Variants in ANTXRL observed in about 807,000 individuals in gnomAD.
ANTXRL encodes the protein anthrax toxin receptor-like.
A neutral mutation model predicts 75.4 loss-of-function variants in ANTXRL; 63 were observed. That is an observed-to-expected ratio of 0.84 (90% CI 0.68 to 1.03). The LOEUF is 1.03. Ranked by LOEUF, ANTXRL falls within the 50% of genes least tolerant of loss-of-function variation. The pLI is 0.00. For missense variants in ANTXRL, 797 were observed against 789.4 expected, an observed-to-expected ratio of 1.01 and a Z score of -0.12; for synonymous variants, 335 against 291.3, an observed-to-expected ratio of 1.15 and a Z score of -1.53.
In ANTXRL at chr10:46,323,687, T is replaced by C. The variant is rs972850103; in HGVS notation, c.1411-5912T>C. 2.0e-5 allele frequency among the ~76,000 whole-genome samples: 3 copies of C among 152,188 alleles called. No individual in the cohort carries two copies. In the East Asian group the frequency reaches 5.8e-4, roughly 29 times the overall value. ...GACTGGAATATGCAGTGGGCCTATG[T>C]TTCCCCCATGTTCTTGAGTAGGAAC... On this transcript the variant is annotated intron_variant, in intron 16 of 16. Transcript: ENST00000620264.
chr10:46,316,299 T>C (rs1162112698), intron 16 of ANTXRL, among the ~76,000 whole-genome samples: 1 of 152,078 alleles, frequency 6.6e-6, no homozygotes, highest in Non-Finnish European at 1.5e-5. Flanking sequence ...GCCATTCATA[T>C]AGATCTTAAG....
chr10:46,322,480 G>A (rs986401648), intron 16 of ANTXRL, among the ~76,000 whole-genome samples: 7 of 150,716 alleles, frequency 4.6e-5, no homozygotes, highest in Admixed American at 2.6e-4. Flanking sequence ...AAAAGAAATT[G>A]CCCATCAAGT....
Position 46,299,288 on chromosome 10 carries a change from G to A in ANTXRL, c.796+1226G>A, listed in dbSNP as rs149847706. 3.0e-3 allele frequency among the ~76,000 whole-genome samples: 458 copies of A among 152,246 alleles called. 2 individuals carry two copies. The highest frequency in any genetic ancestry group is 0.011 in the African/African-American group (438 of 41,528). On this transcript the variant is annotated intron_variant, in intron 9 of 16. Coordinates refer to ENST00000620264, the MANE Select transcript of ANTXRL (RefSeq NM_001278688.3). ...GAAACTTCCATAGCCCGACAAAGTC[G>A]TCCACACAAACACCCTCAGCTCACC... is the stretch of plus-strand genomic sequence containing the variant.
chr10:46,287,380 TTTC>T lies in ANTXRL; in HGVS notation c.119_121del (p.Phe40_His41delinsTyr), dbSNP rs781822560. The T allele has an allele frequency of 1.4e-5, 22 of 1,535,958 alleles. No individual in the cohort carries two copies. The East Asian group carries it at 4.6e-4, about 32-fold the overall frequency. ...GTACCATGGACCTGACTGGAGAATA[TTTC>T]ACCGCCTGGCCCTGGGCTCCAGGAG... On this transcript the variant is annotated inframe_deletion, in exon 1 of 17. Coordinates refer to ENST00000620264, the MANE Select transcript of ANTXRL (RefSeq NM_001278688.3).
chr10:46,287,645 C>T (rs1836819572), intron 1 of ANTXRL, 135 bp downstream of exon 1: 1 of 1,179,136 alleles, frequency 8.5e-7, no homozygotes. Context: ...TCAGACCAGA[C>T]CTAGGCCTCC....
intron 9 of ANTXRL, among the ~76,000 whole-genome samples, chr10:46,302,462 C>G (rs1163774977): frequency 3.3e-5 from 5 of 152,152 alleles, no homozygotes; most frequent in African/African-American, 9.7e-5. Flanking sequence ...CAAGGCCTTT[C>G]CTGAGCGTGT....
intron 16 of ANTXRL, among the ~76,000 whole-genome samples, chr10:46,325,661 G>A (rs1839177139): frequency 6.6e-6 from 1 of 152,138 alleles, no homozygotes; most frequent in African/African-American, 2.4e-5. Flanking sequence ...TTCAGAAACA[G>A]TGTTTCTAAG....
intron 16 of ANTXRL, among the ~76,000 whole-genome samples, chr10:46,326,980 A>G (rs1197167111): frequency 6.6e-6 from 1 of 152,112 alleles, no homozygotes; most frequent in Non-Finnish European, 1.5e-5. Flanking sequence ...GGAGAGAGAC[A>G]GGCTGTCTGG....
chr10:46,304,435 A>G (rs1488274251), intron 10 of ANTXRL, among the ~76,000 whole-genome samples: 4 of 152,100 alleles, frequency 2.6e-5, no homozygotes, highest in Non-Finnish European at 4.4e-5. Context: ...ACTCTTGCCT[A>G]AAAAGATCAG....
chr10:46,305,664 G>A (rs1838035346), intron 10 of ANTXRL, among the ~76,000 whole-genome samples: 1 of 152,134 alleles, frequency 6.6e-6, no homozygotes, highest in Non-Finnish European at 1.5e-5. Context: ...TTCAGGAGGT[G>A]TGAAAAGGGT....
chr10:46,309,882 G>C (rs1554962979), intron 13 of ANTXRL, among the ~76,000 whole-genome samples: 1 of 152,176 alleles, frequency 6.6e-6, no homozygotes, highest in Non-Finnish European at 1.5e-5. Context: ...GGACCCAAAA[G>C]CAGAGATGGA....
chr10:46,326,873 G>A (rs1365722918), intron 16 of ANTXRL, among the ~76,000 whole-genome samples: 3 of 152,250 alleles, frequency 2.0e-5, no homozygotes, highest in East Asian at 1.9e-4. Context: ...CTCTCTGGTC[G>A]CTCTTGCTCT....
chr10:46,325,597 G>A (rs1839175261), intron 16 of ANTXRL, among the ~76,000 whole-genome samples: 1 of 152,102 alleles, frequency 6.6e-6, no homozygotes, highest in African/African-American at 2.4e-5. Context: ...AGCAGTTAAT[G>A]CCATTCCAGT....
At chr10:46,306,686 A>T in intron 10 of ANTXRL, 117 bp from the exon 11 acceptor site, 1 of 835,956 alleles carries the variant, frequency 1.2e-6, no homozygotes, top group Non-Finnish European at 1.8e-6. Flanking sequence ...ATAGGAAGGC[A>T]GAGCCCACAT....
intron 10 of ANTXRL, among the ~76,000 whole-genome samples, chr10:46,304,851 C>T (rs1234160013): frequency 6.6e-6 from 1 of 152,056 alleles, no homozygotes; most frequent in Non-Finnish European, 1.5e-5. Flanking sequence ...CAGCCTACCT[C>T]CGTGAGTGGC....
At chr10:46,305,139 A>T (rs1554961577) in intron 10 of ANTXRL, among the ~76,000 whole-genome samples, 1 of 152,168 alleles carries the variant, frequency 6.6e-6, no homozygotes. Flanking sequence ...GTTGGCCACC[A>T]CTGAACACGC....
chr10:46,300,978 A>G (rs1309864503), intron 9 of ANTXRL, among the ~76,000 whole-genome samples: 1 of 143,866 alleles, frequency 7.0e-6, no homozygotes, highest in African/African-American at 2.9e-5. Flanking sequence ...ATGTTCCTTT[A>G]TCTCTCCCAC....
intron 1 of ANTXRL, among the ~76,000 whole-genome samples, chr10:46,288,098 G>T (rs1317351284): frequency 1.4e-4 from 22 of 152,116 alleles, no homozygotes; most frequent in African/African-American, 4.6e-4. Context: ...GCTGGGCTAC[G>T]TATTAGGCAC....
chr10:46,297,534 C>A, intron 7 of ANTXRL, 60 bp downstream of exon 7: 1 of 1,494,826 alleles, frequency 6.7e-7, no homozygotes, highest in Non-Finnish European at 9.0e-7. Flanking sequence ...TTCGAGCCAA[C>A]CGTCCCGGGC....
Sources: gnomAD v4.1 joint callset for allele counts (sites outside exome capture counted in the v4.1 genomes callset) on GRCh38, gnomAD v4.1.1 for gene constraint, MANE v1.5 for transcripts, NCBI Gene and HGNC (gene_info 2026-07-23, HGNC 2026-07-21) for gene names.